Variants in COL26A1 observed in about 807,000 individuals in gnomAD.
COL26A1 encodes the protein collagen type XXVI alpha 1 chain, also known as collagen alpha-1(XXVI) chain.
In COL26A1, 41 loss-of-function variants were observed where a neutral mutation model predicts 59.3. The observed-to-expected ratio is 0.69, with a 90% CI of 0.54 to 0.90. The LOEUF is 0.90. Ranked by LOEUF, COL26A1 falls within the 40% of genes least tolerant of loss-of-function variation. The pLI, the probability that COL26A1 is intolerant of heterozygous loss-of-function variation, is 0.00. For missense variants in COL26A1, 612 were observed against 602.3 expected (o/e 1.02, Z -0.17); for synonymous variants, 266 against 256.0 (o/e 1.04, Z -0.37).
intron 4 of COL26A1, among the ~76,000 whole-genome samples, chr7:101,535,050 C>T (rs957382955): frequency 1.3e-5 from 2 of 152,206 alleles, no homozygotes; most frequent in Non-Finnish European, 2.9e-5. Context: ...GACGGGGAGC[C>T]CCACGGCATG....
At chr7:101,461,391 C>T (rs1032735640) in intron 3 of COL26A1, among the ~76,000 whole-genome samples, 7 of 151,862 alleles carry the variant, frequency 4.6e-5, no homozygotes, top group Non-Finnish European at 8.8e-5. Context: ...CTCCGCCTCC[C>T]GGGTTCAAGC....
At chr7:101,481,447 A>AATATATATATATAT (rs60951062) in intron 3 of COL26A1, among the ~76,000 whole-genome samples, 2 of 143,480 alleles carry the variant, frequency 1.4e-5, no homozygotes, top group East Asian at 4.0e-4. Flanking sequence ...AATCTCCCAA[A>AATATATATATATAT]ATATATATAT....
chr7:101,549,017 G>C (rs544923982), intron 8 of COL26A1, among the ~76,000 whole-genome samples, 154 bp from the exon 9 acceptor site: 2 of 152,172 alleles, frequency 1.3e-5, no homozygotes, highest in Admixed American at 1.3e-4. Flanking sequence ...TGGAGACCTC[G>C]TTGAGAGGGG....
intron 3 of COL26A1, among the ~76,000 whole-genome samples, chr7:101,454,295 C>T (rs537292785): frequency 5.9e-5 from 8 of 136,122 alleles, no homozygotes; most frequent in African/African-American, 1.4e-4. Context: ...TATGGAGTCT[C>T]GCTCTACTGC....
chr7:101,384,259 C>T (rs574118053), intron 1 of COL26A1, among the ~76,000 whole-genome samples: 4 of 115,864 alleles, frequency 3.5e-5, no homozygotes, highest in East Asian at 2.6e-4. Context: ...TTTTTTAAGA[C>T]GGAGTCTCAC....
At chr7:101,448,477 G>A (rs1793253783) in intron 3 of COL26A1, among the ~76,000 whole-genome samples, 2 of 151,970 alleles carry the variant, frequency 1.3e-5, no homozygotes, top group South Asian at 2.1e-4. Context: ...GAGGCTCAGC[G>A]GTCAGATTTT....
At chr7:101,474,955 G>A (rs1265553471) in intron 3 of COL26A1, among the ~76,000 whole-genome samples, 1 of 152,216 alleles carries the variant, frequency 6.6e-6, no homozygotes, top group Non-Finnish European at 1.5e-5. Context: ...CACTCTGGGA[G>A]GCCAAGGCGG....
chr7:101,436,476 T>A (rs541122121), intron 2 of COL26A1, among the ~76,000 whole-genome samples: 59 of 151,994 alleles, frequency 3.9e-4, no homozygotes, highest in African/African-American at 1.4e-3. Flanking sequence ...GCATGGAGGC[T>A]GAGAAGGGGT....
chr7:101,494,271 C>T (rs975006183), intron 3 of COL26A1, among the ~76,000 whole-genome samples: 2 of 152,082 alleles, frequency 1.3e-5, no homozygotes, highest in Non-Finnish European at 2.9e-5. Context: ...GGATTCCAGG[C>T]ACTTGCCACC....
chr7:101,467,134 A>G (rs989423219), intron 3 of COL26A1, among the ~76,000 whole-genome samples: 1 of 151,988 alleles, frequency 6.6e-6, no homozygotes, highest in Non-Finnish European at 1.5e-5. Flanking sequence ...GGTTGTGTAG[A>G]CAGAGGCCGG....
chr7:101,439,880 G>T (rs929303658), intron 2 of COL26A1, among the ~76,000 whole-genome samples: 1 of 152,142 alleles, frequency 6.6e-6, no homozygotes, highest in Non-Finnish European at 1.5e-5. Context: ...GGCCCTTAAT[G>T]TTCCCACCAA....
Position 101,553,896 on chromosome 7 carries a change from T to C in COL26A1, c.1080+520T>C, listed in dbSNP as rs1450370722. 3.4e-5 allele frequency among the ~76,000 whole-genome samples: 5 copies of C among 149,020 alleles called. No individual in the cohort carries two copies. In the South Asian group the frequency reaches 6.5e-4, roughly 19 times the overall value. On this transcript the variant is annotated intron_variant, in intron 11 of 12. Coordinates refer to ENST00000313669, the MANE Select transcript of COL26A1 (RefSeq NM_001278563.3). ...TGGAGCAAGCGGAGGCTGGGGCCAGTGGGAGGGGGCAGCCAGGGCACGGGC... is the reference window on the plus strand; with the variant it reads ...TGGAGCAAGCGGAGGCTGGGGCCAGCGGGAGGGGGCAGCCAGGGCACGGGC...
intron 12 of COL26A1, among the ~76,000 whole-genome samples, chr7:101,557,071 G>A (rs1795996094): frequency 6.6e-6 from 1 of 151,958 alleles, no homozygotes; most frequent in East Asian, 1.9e-4. Flanking sequence ...GTGAATGAAT[G>A]GATAGATGCA....
At chr7:101,468,755 G>T (rs907270702) in intron 3 of COL26A1, among the ~76,000 whole-genome samples, 18 of 152,180 alleles carry the variant, frequency 1.2e-4, no homozygotes, top group African/African-American at 4.3e-4. Flanking sequence ...AGGGGGAGAC[G>T]CATTCACTTC....
chr7:101,410,416 G>A (rs114665599), intron 1 of COL26A1, among the ~76,000 whole-genome samples: 6,861 of 149,646 alleles, frequency 0.046, 290 homozygotes, highest in African/African-American at 0.12. Flanking sequence ...CATGACTAAG[G>A]ATCATTGTTC....
intron 3 of COL26A1, among the ~76,000 whole-genome samples, chr7:101,497,889 C>G (rs1439660655): frequency 6.6e-6 from 1 of 152,008 alleles, no homozygotes; most frequent in Non-Finnish European, 1.5e-5. Flanking sequence ...GAGGCTGAGG[C>G]AGGAGGAGCA....
intron 3 of COL26A1, among the ~76,000 whole-genome samples, chr7:101,452,515 G>A (rs533541312): frequency 6.6e-6 from 1 of 152,258 alleles, no homozygotes; most frequent in African/African-American, 2.4e-5. Context: ...ATGTGGCTAT[G>A]TTCTGAGAAA....
chr7:101,462,469 A>T (rs898703241), intron 3 of COL26A1, among the ~76,000 whole-genome samples: 21 of 151,210 alleles, frequency 1.4e-4, no homozygotes, highest in Non-Finnish European at 2.5e-4. Context: ...GGTGTGTACC[A>T]CCACACCTGG....
At position 101,545,339 on chromosome 7, in the gene COL26A1, G is replaced by T; in HGVS notation, c.705G>T (p.Gly235=). ...TGEKGPAGPP[G]LLGPPGPRGL... Reference sequence around the variant, plus strand: ...TGACTGTTCTTTTCCTCATTGCAGGGCTCCTGGGGCCTCCAGGGCCCCGTG... The same window carrying T: ...TGACTGTTCTTTTCCTCATTGCAGGTCTCCTGGGGCCTCCAGGGCCCCGTG... The change falls in exon 7 of 13, where the codon GGG becomes GGT. Residue 235 remains glycine, a splice_region_variant and synonymous_variant. Transcript: ENST00000313669. 6.4e-7 allele frequency: 1 copy of T among 1,563,910 alleles called. No individual in the cohort carries two copies. Among genetic ancestry groups the T allele is most frequent in the Non-Finnish European group, 8.6e-7 (1 of 1,162,958 alleles).
Sources: allele counts gnomAD v4.1 joint callset (sites outside exome capture counted in the v4.1 genomes callset), GRCh38; gene constraint gnomAD v4.1.1; transcripts MANE v1.5; gene names NCBI Gene and HGNC (gene_info 2026-07-23, HGNC 2026-07-21).